The following RPSA2 variants were observed in gnomAD, a reference collection of about 807,000 sequenced individuals.
The protein encoded by RPSA2 is ribosomal protein SA 2.
At chr19:23,850,718 A>T in the RPSA2 span, among the ~76,000 whole-genome samples, 1 of 152,010 alleles carries the variant, frequency 6.6e-6, no homozygotes, top group South Asian at 2.1e-4. Context: ...TTTTTCCATA[A>T]CACTGGCTTG....
At chr19:23,827,519 C>T in the RPSA2 span, 15,567 of 1,596,108 alleles carry the variant, frequency 9.8e-3, 115 homozygotes, top group Middle Eastern at 0.044. Flanking sequence ...CTGGGAGCCA[C>T]GGCTTCTTGT....
the RPSA2 span, among the ~76,000 whole-genome samples, chr19:23,841,646 G>A: frequency 1.6e-4 from 24 of 152,176 alleles, no homozygotes; most frequent in African/African-American, 4.8e-4. Context: ...AAACACTCAT[G>A]GAATTGTGGG....
chr19:23,856,226 C>T, the RPSA2 span, among the ~76,000 whole-genome samples: 1 of 151,974 alleles, frequency 6.6e-6, no homozygotes, highest in African/African-American at 2.4e-5. Flanking sequence ...ACTTACAAGG[C>T]CAAATCACCC....
At chr19:23,840,813 T>C in the RPSA2 span, among the ~76,000 whole-genome samples, 1 of 122,116 alleles carries the variant, frequency 8.2e-6, no homozygotes, top group African/African-American at 3.0e-5. Context: ...AAAAAAAAAA[T>C]TAGCCGGACA....
chr19:23,806,419 C>T, the RPSA2 span, among the ~76,000 whole-genome samples: 4 of 152,128 alleles, frequency 2.6e-5, no homozygotes, highest in East Asian at 7.7e-4. Context: ...GAGGTTCCTT[C>T]TGTGTTCTTA....
At chr19:23,777,450 T>A in the RPSA2 span, among the ~76,000 whole-genome samples, 1 of 152,198 alleles carries the variant, frequency 6.6e-6, no homozygotes, top group Non-Finnish European at 1.5e-5. Flanking sequence ...TTGCGACATA[T>A]CCCTGGACTT....
the RPSA2 span, among the ~76,000 whole-genome samples, chr19:23,763,855 G>C: frequency 6.6e-6 from 1 of 152,166 alleles, no homozygotes; most frequent in African/African-American, 2.4e-5. Flanking sequence ...AAGCACCCCA[G>C]CCATAGTATG....
At chr19:23,809,073 G>C in the RPSA2 span, 1 of 160,286 alleles carries the variant, frequency 6.2e-6, no homozygotes, top group Non-Finnish European at 1.4e-5. Context: ...CATACAAAAA[G>C]AGTGCACAAT....
At chr19:23,769,075 C>T in the RPSA2 span, among the ~76,000 whole-genome samples, 33 of 152,324 alleles carry the variant, frequency 2.2e-4, no homozygotes, top group African/African-American at 6.7e-4. Flanking sequence ...TGCTGACTCC[C>T]AGAAGTCACT....
chr19:23,857,398 C>T, the RPSA2 span, among the ~76,000 whole-genome samples: 80 of 152,140 alleles, frequency 5.3e-4, no homozygotes, highest in East Asian at 9.7e-3. Flanking sequence ...TACCGTGGCT[C>T]CAGCCGGTCC....
chr19:23,853,859 C>T, the RPSA2 span, among the ~76,000 whole-genome samples: 1 of 152,180 alleles, frequency 6.6e-6, no homozygotes, highest in Non-Finnish European at 1.5e-5. Context: ...TTTTCCAACA[C>T]CTACTAGTCC....
the RPSA2 span, among the ~76,000 whole-genome samples, chr19:23,795,798 TAG>T: frequency 2.0e-5 from 3 of 152,192 alleles, no homozygotes; most frequent in Non-Finnish European, 4.4e-5. Flanking sequence ...ATTTTTGAGA[TAG>T]AGTCTCCCTT....
At chr19:23,781,195 G>A in the RPSA2 span, among the ~76,000 whole-genome samples, 50 of 152,240 alleles carry the variant, frequency 3.3e-4, no homozygotes, top group African/African-American at 1.2e-3. Flanking sequence ...GACTGGTCTC[G>A]AACTCCTGAC....
the RPSA2 span, chr19:23,818,847 C>T: frequency 2.6e-5 from 4 of 152,812 alleles, no homozygotes; most frequent in African/African-American, 4.8e-5. Flanking sequence ...CTGGCCACTT[C>T]CTGGGTTGCA....
chr19:23,855,075 C>G, the RPSA2 span, among the ~76,000 whole-genome samples: 31 of 152,242 alleles, frequency 2.0e-4, no homozygotes, highest in African/African-American at 7.5e-4. Flanking sequence ...GAAACAGGAG[C>G]TTGGCCTGGG....
At chr19:23,845,426 G>A in the RPSA2 span, among the ~76,000 whole-genome samples, 7 of 151,702 alleles carry the variant, frequency 4.6e-5, no homozygotes, top group Non-Finnish European at 1.0e-4. Context: ...TATATTTGAT[G>A]TATCTCACAG....
chr19:23,871,145 C>A, the RPSA2 span, among the ~76,000 whole-genome samples: 1 of 152,180 alleles, frequency 6.6e-6, no homozygotes, highest in African/African-American at 2.4e-5. Context: ...AGCCCCCTGA[C>A]CCCTTCTTCC....
the RPSA2 span, among the ~76,000 whole-genome samples, chr19:23,784,150 G>A: frequency 6.6e-6 from 1 of 152,214 alleles, no homozygotes; most frequent in African/African-American, 2.4e-5. Flanking sequence ...GTTGCTCACA[G>A]CTACGCTTAG....
chr19:23,767,101 C>T, the RPSA2 span, among the ~76,000 whole-genome samples: 8 of 152,082 alleles, frequency 5.3e-5, no homozygotes, highest in South Asian at 1.7e-3. Flanking sequence ...CGTGCCACCA[C>T]GCCCAGCTAA....
Sources: allele counts gnomAD v4.1 joint callset (sites outside exome capture counted in the v4.1 genomes callset), GRCh38; gene constraint gnomAD v4.1.1; transcripts MANE v1.5; gene names NCBI Gene and HGNC (gene_info 2026-07-23, HGNC 2026-07-21).